ZNF354A: variants seen among roughly 807,000 people sequenced by gnomAD.
ZNF354A encodes the protein zinc finger protein 354A.
A neutral mutation model predicts 53.3 loss-of-function variants in ZNF354A; 25 were observed. That is an observed-to-expected ratio of 0.47 (90% CI 0.34 to 0.66). The LOEUF is 0.66. ZNF354A is among the 30% of genes least tolerant of loss of function. The pLI, the probability that ZNF354A is intolerant of heterozygous loss-of-function variation, is 0.01. For synonymous variants in ZNF354A, 228 were observed against 249.0 expected (o/e 0.92, Z 0.79); for missense variants, 586 against 716.8 (o/e 0.82, Z 2.08).
At chr5:178,722,088 C>T (rs977686041) in intron 4 of ZNF354A, among the ~76,000 whole-genome samples, 5 of 152,184 alleles carry the variant, frequency 3.3e-5, no homozygotes, top group Non-Finnish European at 7.3e-5. Context: ...ATTTTCCTTA[C>T]AGTACGCTTT....
chr5:178,723,219 G>T (rs1765843445), intron 4 of ZNF354A, among the ~76,000 whole-genome samples: 1 of 152,248 alleles, frequency 6.6e-6, no homozygotes, highest in South Asian at 2.1e-4. Context: ...CAGCACAGGG[G>T]CTGTGGGGAC....
chr5:178,718,174 G>A lies in ZNF354A; in HGVS notation c.257-4553C>T, dbSNP rs151199369. Among the ~76,000 whole-genome samples the A allele has an allele frequency of 5.9e-5, 9 of 152,260 alleles. 1 individual carries two copies. The South Asian group carries it at 1.2e-3, about 21-fold the overall frequency. On this transcript the variant is annotated intron_variant, in intron 4 of 4. Coordinates refer to ENST00000335815, the MANE Select transcript of ZNF354A (RefSeq NM_005649.3). ...AATCATGTTTTTCACAGAAGCAGAC[G>A]TAAGTTTTGGATTGTGGATATCCTG...
intron 2 of ZNF354A, among the ~76,000 whole-genome samples, chr5:178,728,637 A>G (rs202006356): frequency 1.1e-5 from 1 of 89,302 alleles, no homozygotes; most frequent in Non-Finnish European, 2.9e-5. Flanking sequence ...TAAAAGCACA[A>G]AAAAAAAAAC....
In ZNF354A at chr5:178,730,108, A is replaced by G. The variant is rs552837679; in HGVS notation, c.-52+448T>C. Among the ~76,000 whole-genome samples, 781 of 147,490 alleles carry G rather than the reference A, an allele frequency of 5.3e-3. 5 individuals carry two copies. Among genetic ancestry groups the G allele is most frequent in the Non-Finnish European group, 9.2e-3 (612 of 66,654 alleles). ...TCTCGATCTCCTGACCTCGTGATCC[A>G]CCCGCTTCGGCCTCCCAAAGTGCTG... is the stretch of plus-strand genomic sequence containing the variant. On this transcript the variant is annotated intron_variant, in intron 1 of 4. Transcript: ENST00000335815.
intron 1 of ZNF354A, chr5:178,729,460 G>A (rs1045425815): frequency 1.2e-5 from 2 of 172,756 alleles, no homozygotes; most frequent in Non-Finnish European, 2.4e-5. Flanking sequence ...CTCCCACCAC[G>A]ACGGCCCCGG....
intron 4 of ZNF354A, among the ~76,000 whole-genome samples, chr5:178,719,098 T>G (rs940350178): frequency 6.6e-6 from 1 of 152,222 alleles, no homozygotes; most frequent in African/African-American, 2.4e-5. Flanking sequence ...TATTTCCCAC[T>G]GGATTTACCC....
intron 2 of ZNF354A, among the ~76,000 whole-genome samples, 159 bp from the exon 3 acceptor site, chr5:178,727,284 T>C (rs563928883): frequency 6.6e-6 from 1 of 152,150 alleles, no homozygotes; most frequent in Non-Finnish European, 1.5e-5. Flanking sequence ...CAGTAACAAA[T>C]GTATACTGAG....
intron 4 of ZNF354A, among the ~76,000 whole-genome samples, chr5:178,717,553 G>C (rs1487809312): frequency 6.6e-6 from 1 of 151,870 alleles, no homozygotes; most frequent in African/African-American, 2.4e-5. Flanking sequence ...AAGGCTGAGG[G>C]GGCATTCTGT....
chr5:178,722,845 G>A (rs780778123), intron 4 of ZNF354A, among the ~76,000 whole-genome samples: 14 of 152,222 alleles, frequency 9.2e-5, no homozygotes, highest in Non-Finnish European at 2.9e-5. Context: ...TGAGGAGATG[G>A]CGTGGGGGCT....
At chr5:178,725,895 T>C (rs1270769471) in intron 3 of ZNF354A, among the ~76,000 whole-genome samples, 1 of 152,176 alleles carries the variant, frequency 6.6e-6, no homozygotes, top group African/African-American at 2.4e-5. Context: ...ATTGCCAGGC[T>C]GGAGTGCAGT....
chr5:178,719,090 T>C (rs989770359), intron 4 of ZNF354A, among the ~76,000 whole-genome samples: 1 of 152,234 alleles, frequency 6.6e-6, no homozygotes. Flanking sequence ...TCCAGTATTA[T>C]TTCCCACTGG....
At chr5:178,727,734 C>T (rs535058008) in intron 2 of ZNF354A, among the ~76,000 whole-genome samples, 1 of 152,320 alleles carries the variant, frequency 6.6e-6, no homozygotes, top group South Asian at 2.1e-4. Flanking sequence ...ACAATCCTAT[C>T]AAGACGATAC....
At chr5:178,725,956 T>C (rs1231163929) in intron 3 of ZNF354A, 7 of 269,748 alleles carry the variant, frequency 2.6e-5, no homozygotes, top group Non-Finnish European at 4.5e-5. Flanking sequence ...CAAGTGATTT[T>C]CCTGCCTCAG....
At position 178,726,957 on chromosome 5, in the gene ZNF354A, C is replaced by T. The variant is rs186557417; in HGVS notation, c.160+42G>A. 10,682 of 1,577,624 alleles carry T rather than the reference C, an allele frequency of 6.8e-3. 56 individuals are homozygous for T. Among genetic ancestry groups the T allele is most frequent in the South Asian group, 9.5e-3 (809 of 84,752 alleles). ...TTCAGGGAAGGAGGTGCTGAGATAT[C>T]CCAATTTTTGAATTCTGTTTCTAGA... On this transcript the variant is annotated intron_variant, in intron 3 of 4. Coordinates refer to ENST00000335815, the MANE Select transcript of ZNF354A (RefSeq NM_005649.3).
intron 1 of ZNF354A, among the ~76,000 whole-genome samples, chr5:178,730,137 T>G (rs538412918): frequency 1.7e-4 from 26 of 152,176 alleles, no homozygotes; most frequent in African/African-American, 6.0e-4. Context: ...AGTGCTGGGA[T>G]TACAGGCGTG....
Position 178,729,532 on chromosome 5 carries a change from A to G in ZNF354A, c.-51-459T>C, listed in dbSNP as rs560626831. The G allele has an allele frequency of 4.0e-3, 795 of 199,824 alleles. 2 individuals are homozygous for G. Among genetic ancestry groups the G allele is most frequent in the African/African-American group, 9.3e-3 (383 of 41,176 alleles). 12.4% of individuals were successfully genotyped at this position (199,824 alleles called of 1,614,324 possible). A position where few individuals can be genotyped will look rare whatever the true frequency, so the allele number is the denominator to read the frequency against. On this transcript the variant is annotated intron_variant, in intron 1 of 4. Transcript: ENST00000335815. ...TTCCTCTCTCTCCCGCCAACGAATC[A>G]TCTCCCGACTCCACGGAAAACGGCT... is the stretch of plus-strand genomic sequence containing the variant.
At chr5:178,719,796 A>T (rs1765776002) in intron 4 of ZNF354A, among the ~76,000 whole-genome samples, 1 of 151,744 alleles carries the variant, frequency 6.6e-6, no homozygotes, top group Admixed American at 6.6e-5. Context: ...AAATACAAAA[A>T]ATTAGCCGGG....
chr5:178,726,922 A>G, intron 3 of ZNF354A, 77 bp downstream of exon 3: 1 of 1,528,684 alleles, frequency 6.5e-7, no homozygotes, highest in Admixed American at 2.2e-5. Context: ...TCAGTGACCA[A>G]CCGCTTTTAT....
At chr5:178,721,859 G>A (rs894337535) in intron 4 of ZNF354A, among the ~76,000 whole-genome samples, 2 of 152,030 alleles carry the variant, frequency 1.3e-5, no homozygotes, top group Non-Finnish European at 2.9e-5. Context: ...TCTTCCCTCC[G>A]ACCTGGTCAA....
Sources: allele counts gnomAD v4.1 joint callset (sites outside exome capture counted in the v4.1 genomes callset), GRCh38; gene constraint gnomAD v4.1.1; transcripts MANE v1.5; gene names NCBI Gene and HGNC (gene_info 2026-07-23, HGNC 2026-07-21).